GALNT14: variants seen among roughly 807,000 people sequenced by gnomAD.
GALNT14 encodes polypeptide N-acetylgalactosaminyltransferase 14, also known as UDP-GalNAc:polypeptide N-acetylgalactosaminyltransferase 14.
GALNT14 carries 60 observed loss-of-function variants against 77.5 expected under a neutral mutation model. The ratio of observed to expected loss-of-function variants is 0.77; its 90% CI spans 0.63 to 0.96. The LOEUF is 0.96. Ranked by LOEUF, GALNT14 falls within the 40% of genes least tolerant of loss-of-function variation. The pLI, the probability that GALNT14 is intolerant of heterozygous loss-of-function variation, is 0.00. For missense variants in GALNT14, 710 were observed against 731.0 expected, an observed-to-expected ratio of 0.97 and a Z score of 0.33; for synonymous variants, 280 against 281.7, an observed-to-expected ratio of 0.99 and a Z score of 0.06.
At chr2:30,919,975 A>G (rs1239437837) in intron 13 of GALNT14, among the ~76,000 whole-genome samples, 1 of 152,136 alleles carries the variant, frequency 6.6e-6, no homozygotes, top group African/African-American at 2.4e-5. Context: ...CTTTTCATAA[A>G]GATTGTCCTT....
intron 1 of GALNT14, among the ~76,000 whole-genome samples, chr2:31,093,993 C>T (rs1031869161): frequency 6.6e-6 from 1 of 152,184 alleles, no homozygotes; most frequent in East Asian, 1.9e-4. Context: ...AAGCTTTGAC[C>T]CTGTCAGGCC....
chr2:30,966,341 G>T, intron 2 of GALNT14, 39 bp from the exon 3 acceptor site: 1 of 1,456,382 alleles, frequency 6.9e-7, no homozygotes, highest in Non-Finnish European at 9.6e-7. Context: ...AGACCTTCAG[G>T]GACAAAGCAT....
At chr2:31,087,025 G>T (rs1372396298) in intron 1 of GALNT14, among the ~76,000 whole-genome samples, 1 of 152,190 alleles carries the variant, frequency 6.6e-6, no homozygotes, top group African/African-American at 2.4e-5. Flanking sequence ...CAGCATGGGG[G>T]AATGTGGCCT....
At chr2:30,941,420 A>T (rs1257996666) in intron 9 of GALNT14, among the ~76,000 whole-genome samples, 1 of 152,224 alleles carries the variant, frequency 6.6e-6, no homozygotes, top group Non-Finnish European at 1.5e-5. Flanking sequence ...CATGGTGCCA[A>T]GATTTTACAC....
intron 1 of GALNT14, among the ~76,000 whole-genome samples, chr2:31,104,770 T>C (rs894705511): frequency 3.9e-5 from 6 of 152,202 alleles, no homozygotes; most frequent in Admixed American, 3.9e-4. Context: ...ACAGAAATGA[T>C]GCTGTGTTCT....
chr2:30,954,757 C>A (rs1452347996), intron 6 of GALNT14, among the ~76,000 whole-genome samples: 1 of 152,236 alleles, frequency 6.6e-6, no homozygotes, highest in African/African-American at 2.4e-5. Flanking sequence ...AGGGAAGATG[C>A]TGTTGAGGTA....
intron 1 of GALNT14, chr2:31,126,892 G>T (rs564971849): frequency 3.3e-5 from 5 of 152,180 alleles, no homozygotes; most frequent in African/African-American, 1.2e-4. Flanking sequence ...GGAGTAAGAC[G>T]TGGGTAACTT....
intron 1 of GALNT14, among the ~76,000 whole-genome samples, chr2:31,028,263 C>A (rs1423865934): frequency 2.6e-5 from 4 of 152,156 alleles, no homozygotes; most frequent in African/African-American, 9.7e-5. Flanking sequence ...AGTCTCCCAG[C>A]CATTTCCCTC....
At chr2:30,994,804 C>T (rs967747191) in intron 1 of GALNT14, among the ~76,000 whole-genome samples, 6 of 152,092 alleles carry the variant, frequency 3.9e-5, no homozygotes, top group African/African-American at 9.7e-5. Flanking sequence ...TATGGTGCTC[C>T]GAGCTAGAGA....
intron 1 of GALNT14, among the ~76,000 whole-genome samples, chr2:30,996,578 C>G (rs919027028): frequency 6.6e-6 from 1 of 152,232 alleles, no homozygotes; most frequent in African/African-American, 2.4e-5. Context: ...TCTATTCACA[C>G]CAGATAGAGG....
At chr2:30,976,707 C>T (rs956352165) in intron 2 of GALNT14, among the ~76,000 whole-genome samples, 4 of 151,978 alleles carry the variant, frequency 2.6e-5, no homozygotes, top group Non-Finnish European at 5.9e-5. Flanking sequence ...GGAGTTGGGC[C>T]AAGACTTATT....
intron 2 of GALNT14, among the ~76,000 whole-genome samples, chr2:30,989,633 A>T (rs13016135): frequency 7.9e-6 from 1 of 127,130 alleles, no homozygotes; most frequent in East Asian, 2.1e-4. Context: ...TATATATAAA[A>T]ATATATATAT....
intron 1 of GALNT14, among the ~76,000 whole-genome samples, chr2:31,030,480 G>C (rs1230070280): frequency 6.6e-6 from 1 of 152,190 alleles, no homozygotes; most frequent in Non-Finnish European, 1.5e-5. Context: ...TTCACTGCTA[G>C]TGTTTAAGAA....
chr2:30,936,614 T>C lies in GALNT14; in HGVS notation c.932-4420A>G, dbSNP rs544749592. The stretch of plus-strand genomic sequence containing the variant: ...ACATATTTATGTACAATGGGGAACC[T>C]TGCCTTTCAGTAATTTTTAAGTTCC... On this transcript the variant is annotated intron_variant, in intron 9 of 14. Transcript: ENST00000349752. Among the ~76,000 whole-genome samples, 12 of 152,312 alleles carry C rather than the reference T, an allele frequency of 7.9e-5. 1 individual carries two copies. Among genetic ancestry groups the C allele is most frequent in the African/African-American group, 2.9e-4 (12 of 41,586 alleles).
the GALNT14 span, among the ~76,000 whole-genome samples, chr2:30,889,892 T>C: frequency 6.6e-6 from 1 of 152,234 alleles, no homozygotes; most frequent in Non-Finnish European, 1.5e-5. Flanking sequence ...AAGTATTTTC[T>C]TGCTTGCCTA....
chr2:31,022,365 A>G (rs542257462), intron 1 of GALNT14, among the ~76,000 whole-genome samples: 29 of 152,314 alleles, frequency 1.9e-4, no homozygotes, highest in Non-Finnish European at 3.7e-4. Context: ...CCCTATCTCA[A>G]TAAGTGGCTT....
At chr2:31,107,629 G>C (rs1425621824) in intron 1 of GALNT14, among the ~76,000 whole-genome samples, 1 of 152,160 alleles carries the variant, frequency 6.6e-6, no homozygotes, top group Admixed American at 6.5e-5. Context: ...CTATTCCACT[G>C]ATTCACCACT....
rs530259532 is a variant in GALNT14, at chr2:30,981,407, T to G, written c.299+11431A>C. Among the ~76,000 whole-genome samples, 331 of 152,346 alleles carry G rather than the reference T, an allele frequency of 2.2e-3. 1 individual carries two copies. The highest frequency in any genetic ancestry group is 7.5e-3 in the African/African-American group (313 of 41,582). On this transcript the variant is annotated intron_variant, in intron 2 of 14. Transcript: ENST00000349752. ...TGTGCCAACTCCAGGAGCAAGCATC[T>G]CTGCTGCTGCTGTGTTTAATAGGTC...
intron 1 of GALNT14, among the ~76,000 whole-genome samples, chr2:31,029,607 C>T (rs557602710): frequency 6.4e-4 from 98 of 152,136 alleles, no homozygotes; most frequent in Non-Finnish European, 1.3e-3. Context: ...ATGAGCTGTC[C>T]TCCGCCCCTC....
Sources: gnomAD v4.1 joint callset for allele counts (sites outside exome capture counted in the v4.1 genomes callset) on GRCh38, gnomAD v4.1.1 for gene constraint, MANE v1.5 for transcripts, NCBI Gene and HGNC (gene_info 2026-07-23, HGNC 2026-07-21) for gene names.